TMEM132D: variants seen among roughly 807,000 people sequenced by gnomAD.
The protein encoded by TMEM132D is mature OL transmembrane protein.
TMEM132D carries 21 observed loss-of-function variants against 62.3 expected under a neutral mutation model. The observed-to-expected ratio is 0.34, with a 90% CI of 0.24 to 0.49. The LOEUF (loss-of-function observed/expected upper bound fraction) is 0.49, where lower values mean the gene tolerates loss of function less well. TMEM132D is among the 20% of genes least tolerant of loss of function. The pLI is 0.99. For missense variants in TMEM132D, 1,346 were observed against 1,402.8 expected (o/e 0.96, Z 0.65); for synonymous variants, 621 against 575.6 (o/e 1.08, Z -1.13).
intron 2 of TMEM132D, among the ~76,000 whole-genome samples, chr12:129,635,790 C>T (rs779931589): frequency 1.8e-4 from 28 of 152,180 alleles, no homozygotes; most frequent in Non-Finnish European, 3.5e-4. Flanking sequence ...TGGCCCAAGA[C>T]GCAGCCTCAG....
At chr12:129,291,476 A>C (rs1881445281) in intron 4 of TMEM132D, among the ~76,000 whole-genome samples, 1 of 152,160 alleles carries the variant, frequency 6.6e-6, no homozygotes, top group Admixed American at 6.5e-5. Context: ...TTTCGCCTGA[A>C]ACTGAGCTAT....
intron 4 of TMEM132D, among the ~76,000 whole-genome samples, chr12:129,282,217 G>T (rs1881175635): frequency 6.6e-6 from 1 of 152,130 alleles, no homozygotes; most frequent in South Asian, 2.1e-4. Context: ...CTCAACCCTG[G>T]TCTGAATTCT....
intron 2 of TMEM132D, among the ~76,000 whole-genome samples, chr12:129,614,199 G>A (rs1292221826): frequency 6.6e-6 from 1 of 152,250 alleles, no homozygotes; most frequent in Non-Finnish European, 1.5e-5. Context: ...CCATGCTCTT[G>A]AACCCTCTAT....
chr12:129,724,942 C>A (rs1460636455), intron 1 of TMEM132D, among the ~76,000 whole-genome samples: 1 of 152,202 alleles, frequency 6.6e-6, no homozygotes, highest in Non-Finnish European at 1.5e-5. Context: ...GGTTGGGGAT[C>A]ATGTGCCTCA....
intron 2 of TMEM132D, among the ~76,000 whole-genome samples, chr12:129,688,377 A>G (rs1880981382): frequency 6.6e-6 from 1 of 152,190 alleles, no homozygotes; most frequent in Admixed American, 6.5e-5. Context: ...AGAGCTTTTT[A>G]AAGACCCTGA....
intron 3 of TMEM132D, among the ~76,000 whole-genome samples, chr12:129,463,428 G>A (rs1017811193): frequency 2.7e-5 from 4 of 148,284 alleles, no homozygotes; most frequent in African/African-American, 9.9e-5. Flanking sequence ...TGTGTCCTGG[G>A]ATCCCTGTCC....
chr12:129,336,500 C>T (rs550644336), intron 4 of TMEM132D, among the ~76,000 whole-genome samples: 10 of 151,620 alleles, frequency 6.6e-5, no homozygotes, highest in African/African-American at 1.5e-4. Context: ...CAACCCCGGA[C>T]GGCAAAGGTT....
intron 3 of TMEM132D, among the ~76,000 whole-genome samples, chr12:129,501,189 G>C (rs1875129812): frequency 6.6e-6 from 1 of 152,142 alleles, no homozygotes; most frequent in Admixed American, 6.5e-5. Flanking sequence ...GACAACCAAA[G>C]TGAAAAGCAT....
At chr12:129,094,152 A>G (rs145222560) in intron 5 of TMEM132D, among the ~76,000 whole-genome samples, 2,505 of 152,118 alleles carry the variant, frequency 0.016, 35 homozygotes, top group Middle Eastern at 0.041. Flanking sequence ...CACCAAAAGC[A>G]ATGGCAGCAA....
At chr12:129,127,121 T>C (rs766059669) in intron 5 of TMEM132D, among the ~76,000 whole-genome samples, 5 of 152,194 alleles carry the variant, frequency 3.3e-5, no homozygotes, top group Non-Finnish European at 5.9e-5. Flanking sequence ...CATCAACGGA[T>C]TGAACACACT....
intron 2 of TMEM132D, among the ~76,000 whole-genome samples, chr12:129,687,302 T>G (rs1158716506): frequency 2.0e-5 from 3 of 152,124 alleles, no homozygotes; most frequent in East Asian, 1.9e-4. Context: ...TCTCCTTTTT[T>G]GGGGGAACAA....
At chr12:129,463,575 T>C (rs1193939811) in intron 3 of TMEM132D, among the ~76,000 whole-genome samples, 4 of 151,958 alleles carry the variant, frequency 2.6e-5, no homozygotes, top group Non-Finnish European at 4.4e-5. Context: ...CTGCACCCAT[T>C]AACTCGTCAT....
chr12:129,674,909 A>G (rs1282887012), intron 2 of TMEM132D, among the ~76,000 whole-genome samples: 1 of 152,174 alleles, frequency 6.6e-6, no homozygotes, highest in East Asian at 1.9e-4. Flanking sequence ...ATTGCAGTTC[A>G]TTATAACAGA....
chr12:129,593,410 T>C (rs1390686402), intron 2 of TMEM132D, among the ~76,000 whole-genome samples: 3 of 152,216 alleles, frequency 2.0e-5, no homozygotes, highest in Non-Finnish European at 4.4e-5. Context: ...GAAAGACAAG[T>C]AAAACTGGTC....
intron 2 of TMEM132D, among the ~76,000 whole-genome samples, chr12:129,649,000 T>C (rs2137181367): frequency 6.6e-6 from 1 of 152,292 alleles, no homozygotes; most frequent in Admixed American, 6.5e-5. Flanking sequence ...GGAAAACATC[T>C]CCAGATGGCA....
Position 129,595,795 on chromosome 12 carries a change from GAAGAGCCA to G in TMEM132D, c.969-64598_969-64591del, listed in dbSNP as rs558090107. On this transcript the variant is annotated intron_variant, in intron 2 of 8. Transcript: ENST00000422113. ...ATGGGACGGAGCCCAGGCAGGGCCA[GAAGAGCCA>G]CCTCACTGAGCCCAGCCTGCATGAG... Among the ~76,000 whole-genome samples, 254 of 152,332 alleles carry G rather than the reference GAAGAGCCA, an allele frequency of 1.7e-3. 1 individual carries two copies. The highest frequency in any genetic ancestry group is 1.3e-3 in the Non-Finnish European group (88 of 68,022).
At chr12:129,210,478 C>T (rs1182335288) in intron 4 of TMEM132D, among the ~76,000 whole-genome samples, 8 of 152,162 alleles carry the variant, frequency 5.3e-5, no homozygotes, top group East Asian at 3.9e-4. Context: ...CCCAAACATG[C>T]GTTTTGCTGT....
In TMEM132D at chr12:129,081,777, A is replaced by G. The variant is rs1874456889; in HGVS notation, c.1905T>C (p.Leu635=). Residue 635 remains leucine, a synonymous_variant, in exon 7 of 9, where the codon CTT becomes CTC. Coordinates refer to ENST00000422113, the MANE Select transcript of TMEM132D (RefSeq NM_133448.3). The part of the protein sequence containing the change: ...QGGQILMGQE[L]GMTTIQILSP... ...TTTTTACCTGAATGGTGGTCATCCC[A>G]AGCTCCTGCCCCATCAGGATCTGTC... 1 of 1,605,766 alleles carries G rather than the reference A, an allele frequency of 6.2e-7. No individual in the cohort carries two copies. Among genetic ancestry groups the G allele is most frequent in the Non-Finnish European group, 8.5e-7 (1 of 1,176,612 alleles).
At chr12:129,696,567 G>C (rs1013334446) in intron 2 of TMEM132D, among the ~76,000 whole-genome samples, 11 of 152,182 alleles carry the variant, frequency 7.2e-5, no homozygotes, top group Non-Finnish European at 2.9e-5. Flanking sequence ...ATTCGGATCT[G>C]AAGACCAGAG....
Sources: gnomAD v4.1 joint callset for allele counts (sites outside exome capture counted in the v4.1 genomes callset) on GRCh38, gnomAD v4.1.1 for gene constraint, MANE v1.5 for transcripts, NCBI Gene and HGNC (gene_info 2026-07-23, HGNC 2026-07-21) for gene names.